Variants in CTNNA2 observed in about 807,000 individuals in gnomAD.
CTNNA2 encodes the protein catenin alpha 2, also known as catenin alpha-2.
In CTNNA2, 42 loss-of-function variants were observed where a neutral mutation model predicts 101.0. The observed-to-expected ratio is 0.42, with a 90% CI of 0.32 to 0.54. The LOEUF (loss-of-function observed/expected upper bound fraction) is 0.54, where lower values mean the gene tolerates loss of function less well. Ranked by LOEUF, CTNNA2 falls within the 20% of genes least tolerant of loss-of-function variation. The pLI is 0.14. For synonymous variants in CTNNA2, 450 were observed against 456.4 expected (o/e 0.99, Z 0.18); for missense variants, 871 against 1,223.1 (o/e 0.71, Z 4.29).
rs531321476 is a variant in CTNNA2, at chr2:79,906,072, C to T, written c.853-3522C>T. ...AAAAACAGACAGAGACAGACACATA[C>T]AACTACATACACACAAATAAGCCAC... On this transcript the variant is annotated intron_variant, in intron 6 of 18. Coordinates refer to ENST00000402739, the MANE Select transcript of CTNNA2 (RefSeq NM_001282597.3). Among the ~76,000 whole-genome samples, 24 of 152,188 alleles carry T rather than the reference C, an allele frequency of 1.6e-4. No individual in the cohort carries two copies. In the East Asian group the frequency reaches 4.4e-3, roughly 28 times the overall value.
chr2:79,437,232 CA>C (rs70940035), intron 4 of CTNNA2, among the ~76,000 whole-genome samples: 29,984 of 140,330 alleles, frequency 0.21, 2,925 homozygotes, highest in Middle Eastern at 0.34. Flanking sequence ...GAAACTGTCT[CA>C]AAAAAAAAAA....
At position 79,318,111 on chromosome 2, in the gene CTNNA2, A is replaced by G. The variant is rs546093178; in HGVS notation, c.-318+5315A>G. On this transcript the variant is annotated intron_variant, in intron 3 of 21. Transcript: ENST00000466387. ...AATTATTATGATATGTTTTTGTAAA[A>G]AAAATTCTACCAAATATAAATACTT... 3.3e-5 allele frequency among the ~76,000 whole-genome samples: 5 copies of G among 152,234 alleles called. No homozygotes were observed. The East Asian group carries it at 9.6e-4, about 29-fold the overall frequency.
intron 7 of CTNNA2, among the ~76,000 whole-genome samples, chr2:80,349,305 T>A (rs1673066184): frequency 6.6e-6 from 1 of 152,184 alleles, no homozygotes; most frequent in African/African-American, 2.4e-5. Context: ...CCCAATGGCT[T>A]CATGTTTCTC....
At chr2:80,146,710 GT>G (rs34019123) in intron 7 of CTNNA2, among the ~76,000 whole-genome samples, 25 of 61,762 alleles carry the variant, frequency 4.0e-4, no homozygotes, top group South Asian at 1.4e-3. Flanking sequence ...GTCCCCTCTG[GT>G]TTTTTTTTTT....
intron 7 of CTNNA2, among the ~76,000 whole-genome samples, chr2:80,275,068 T>G (rs375230869): frequency 2.0e-5 from 3 of 152,344 alleles, no homozygotes; most frequent in South Asian, 4.1e-4. Flanking sequence ...AGAAATTTAT[T>G]ATTGCTCCTT....
At chr2:79,921,409 TGAGAG>T (rs1213584618) in intron 7 of CTNNA2, among the ~76,000 whole-genome samples, 1 of 152,200 alleles carries the variant, frequency 6.6e-6, no homozygotes, top group Non-Finnish European at 1.5e-5. Flanking sequence ...ATTCACAATA[TGAGAG>T]GAGACTCGTG....
At chr2:79,206,934 G>A (rs2104192101) in intron 2 of CTNNA2, among the ~76,000 whole-genome samples, 1 of 152,294 alleles carries the variant, frequency 6.6e-6, no homozygotes, top group African/African-American at 2.4e-5. Context: ...TGTGTAAGCT[G>A]AGTTGTGTTT....
intron 4 of CTNNA2, among the ~76,000 whole-genome samples, chr2:79,454,126 C>T (rs1232438739): frequency 1.3e-5 from 2 of 152,110 alleles, no homozygotes; most frequent in African/African-American, 4.8e-5. Flanking sequence ...ATGTGTGTCA[C>T]TCTCCATGGT....
At chr2:79,888,706 A>G (rs950621993) in intron 6 of CTNNA2, among the ~76,000 whole-genome samples, 1 of 152,186 alleles carries the variant, frequency 6.6e-6, no homozygotes, top group Non-Finnish European at 1.5e-5. Flanking sequence ...CGAAAAATGT[A>G]AGAATCTGTT....
At chr2:79,374,616 G>T (rs530146262) in intron 4 of CTNNA2, among the ~76,000 whole-genome samples, 2 of 151,924 alleles carry the variant, frequency 1.3e-5, no homozygotes, top group East Asian at 1.9e-4. Context: ...TGTAGATGAT[G>T]TATATTTTTT....
intron 2 of CTNNA2, among the ~76,000 whole-genome samples, chr2:79,681,464 T>C (rs1683557745): frequency 6.6e-6 from 1 of 152,198 alleles, no homozygotes; most frequent in Non-Finnish European, 1.5e-5. Flanking sequence ...TCTTTTCTCT[T>C]TCCTGTAATA....
intron 4 of CTNNA2, among the ~76,000 whole-genome samples, chr2:79,489,133 C>T (rs1379646547): frequency 6.6e-6 from 1 of 152,112 alleles, no homozygotes; most frequent in Middle Eastern, 3.2e-3. Context: ...TTCTCTTAAA[C>T]ATAATCATGT....
intron 7 of CTNNA2, among the ~76,000 whole-genome samples, chr2:79,949,211 A>G (rs1028034795): frequency 5.3e-5 from 8 of 152,146 alleles, no homozygotes; most frequent in African/African-American, 1.9e-4. Context: ...CTTATATTTC[A>G]TATTGTAAGG....
chr2:80,400,368 C>T (rs978742770), intron 8 of CTNNA2, among the ~76,000 whole-genome samples: 3 of 152,156 alleles, frequency 2.0e-5, no homozygotes, highest in East Asian at 3.9e-4. Flanking sequence ...TGCCTACTGT[C>T]GCCACCAGTC....
chr2:79,965,827 C>CAAAAAAAAAAAAAAAAA (rs10686940), intron 7 of CTNNA2, among the ~76,000 whole-genome samples: 22 of 77,990 alleles, frequency 2.8e-4, no homozygotes, highest in Admixed American at 4.7e-4. Context: ...GAGACTATGT[C>CAAAAAAAAAAAAAAAAA]AAAAAAAAAA....
chr2:79,982,299 T>C lies in CTNNA2; in HGVS notation c.1056+72502T>C, dbSNP rs1390517749. Among the ~76,000 whole-genome samples the C allele has an allele frequency of 1.7e-3, 222 of 133,894 alleles. 2 individuals are homozygous for C. The highest frequency in any genetic ancestry group is 6.8e-3 in the African/African-American group (212 of 31,106). The allele number at this position is 133,894 out of a possible 152,430, so 87.8% of individuals were successfully genotyped here. On this transcript the variant is annotated intron_variant, in intron 7 of 18. Coordinates refer to ENST00000402739, the MANE Select transcript of CTNNA2 (RefSeq NM_001282597.3). ...TATAATATATATAACATATATAACA[T>C]ATATAAAACATATATAACATATATA...
chr2:80,607,606 C>T (rs969463759), intron 16 of CTNNA2, among the ~76,000 whole-genome samples: 1 of 151,894 alleles, frequency 6.6e-6, no homozygotes, highest in African/African-American at 2.4e-5. Flanking sequence ...AGTCATGAAC[C>T]ATTTCAGTCT....
intron 3 of CTNNA2, among the ~76,000 whole-genome samples, chr2:79,773,994 C>G (rs914604534): frequency 6.6e-6 from 1 of 152,096 alleles, no homozygotes; most frequent in South Asian, 2.1e-4. Flanking sequence ...GCTACACCTT[C>G]CCCCATGATC....
intron 7 of CTNNA2, chr2:80,328,210 G>T (rs1670995150): frequency 6.6e-6 from 3 of 455,638 alleles, no homozygotes; most frequent in East Asian, 7.1e-5. Context: ...CTGCTTTTTT[G>T]GGTTTTGTCA....
Sources: gnomAD v4.1 joint callset for allele counts (sites outside exome capture counted in the v4.1 genomes callset) on GRCh38, gnomAD v4.1.1 for gene constraint, MANE v1.5 for transcripts, NCBI Gene and HGNC (gene_info 2026-07-23, HGNC 2026-07-21) for gene names.